The following NRG3 variants were observed in gnomAD, a reference collection of about 807,000 sequenced individuals.
NRG3 encodes pro-neuregulin-3, membrane-bound isoform.
Under a neutral mutation model 66.9 loss-of-function variants are expected in NRG3, and 31 were observed. The ratio of observed to expected loss-of-function variants is 0.46; its 90% CI spans 0.35 to 0.63. The LOEUF (loss-of-function observed/expected upper bound fraction) is 0.63. NRG3 is among the 20% of genes least tolerant of loss of function. The probability of loss-of-function intolerance (pLI) is 0.00; values close to 1 mark genes in which losing one functional copy is unlikely to be tolerated. For missense variants in NRG3, 910 were observed against 878.9 expected, an observed-to-expected ratio of 1.04 and a Z score of -0.45; for synonymous variants, 393 against 359.4, an observed-to-expected ratio of 1.09 and a Z score of -1.06.
intron 1 of NRG3, among the ~76,000 whole-genome samples, chr10:82,004,590 G>T (rs556187851): frequency 2.0e-5 from 3 of 152,186 alleles, no homozygotes; most frequent in Non-Finnish European, 4.4e-5. Flanking sequence ...TCAGCACTGG[G>T]CTTTGGTTTA....
intron 2 of NRG3, among the ~76,000 whole-genome samples, chr10:82,579,565 CATGT>C (rs2046232952): frequency 2.0e-5 from 3 of 151,932 alleles, no homozygotes. Context: ...GGCAAGAACA[CATGT>C]ATGTGTTAAT....
chr10:82,030,356 A>G (rs370159469), intron 1 of NRG3, among the ~76,000 whole-genome samples: 4 of 152,224 alleles, frequency 2.6e-5, no homozygotes, highest in South Asian at 4.1e-4. Flanking sequence ...TGAATGGTGG[A>G]AGTAAGGAGA....
chr10:81,920,118 T>TA (rs59085354), intron 1 of NRG3, among the ~76,000 whole-genome samples: 21,291 of 152,020 alleles, frequency 0.14, 2,697 homozygotes, highest in African/African-American at 0.33. Flanking sequence ...GCCTGAGGTG[T>TA]AAGGATGACA....
intron 2 of NRG3, among the ~76,000 whole-genome samples, chr10:82,634,038 G>C (rs892431860): frequency 6.6e-6 from 1 of 152,164 alleles, no homozygotes; most frequent in African/African-American, 2.4e-5. Context: ...GGCATATAGA[G>C]ATTATGGTTC....
chr10:82,199,491 T>C (rs1383335282), intron 1 of NRG3, among the ~76,000 whole-genome samples: 2 of 152,218 alleles, frequency 1.3e-5, no homozygotes, highest in Non-Finnish European at 2.9e-5. Flanking sequence ...AAAATTTATG[T>C]GAATATATAA....
chr10:82,276,401 A>T (rs2078850342), intron 1 of NRG3, among the ~76,000 whole-genome samples: 1 of 152,018 alleles, frequency 6.6e-6, no homozygotes, highest in African/African-American at 2.4e-5. Context: ...TGATTTGTAA[A>T]AACTGAAGGA....
chr10:82,775,422 AT>A (rs1219648535), intron 3 of NRG3, among the ~76,000 whole-genome samples: 5 of 151,916 alleles, frequency 3.3e-5, no homozygotes, highest in Admixed American at 3.3e-4. Context: ...ATTTACCAAG[AT>A]TCCTTCTGTT....
Position 82,513,008 on chromosome 10 carries a change from T to C in NRG3, c.953+154140T>C, listed in dbSNP as rs997068901. Among the ~76,000 whole-genome samples, 6 of 152,338 alleles carry C rather than the reference T, an allele frequency of 3.9e-5. No individual in the cohort carries two copies. The East Asian group carries it at 1.2e-3, about 29-fold the overall frequency. ...GTGCAGGACGTGCAGGTTTGTTACATAGGTAAATGTGTGCCATGGTGGTTT... is the reference window on the plus strand; with the variant it reads ...GTGCAGGACGTGCAGGTTTGTTACACAGGTAAATGTGTGCCATGGTGGTTT... On this transcript the variant is annotated intron_variant, in intron 2 of 8. Transcript: ENST00000372141.
At chr10:82,819,751 G>A (rs2061864920) in intron 3 of NRG3, among the ~76,000 whole-genome samples, 1 of 152,286 alleles carries the variant, frequency 6.6e-6, no homozygotes, top group South Asian at 2.1e-4. Flanking sequence ...CCATAAGAAG[G>A]AGAAGGTTAT....
At chr10:82,524,942 T>G (rs2132581489) in intron 2 of NRG3, among the ~76,000 whole-genome samples, 1 of 152,014 alleles carries the variant, frequency 6.6e-6, no homozygotes, top group African/African-American at 2.4e-5. Flanking sequence ...TCTCTCCTTC[T>G]ATATTCACAG....
At chr10:82,635,726 G>C (rs1006750237) in intron 2 of NRG3, among the ~76,000 whole-genome samples, 1 of 152,102 alleles carries the variant, frequency 6.6e-6, no homozygotes, top group Non-Finnish European at 1.5e-5. Flanking sequence ...AAACTAGAAT[G>C]TTCTCTTCTC....
intron 2 of NRG3, among the ~76,000 whole-genome samples, chr10:82,703,871 A>G (rs1166507582): frequency 6.6e-6 from 1 of 152,104 alleles, no homozygotes; most frequent in Non-Finnish European, 1.5e-5. Context: ...CTGGTTAATC[A>G]AATCATAATG....
chr10:82,712,903 T>G (rs984504665), intron 2 of NRG3, among the ~76,000 whole-genome samples: 14 of 151,974 alleles, frequency 9.2e-5, no homozygotes, highest in Non-Finnish European at 1.5e-4. Flanking sequence ...ACGGATCAGT[T>G]GAGGTCAGGA....
In NRG3 at chr10:82,785,068, A is replaced by T. The variant is rs561978030; in HGVS notation, c.1027+46418A>T. Among the ~76,000 whole-genome samples the T allele has an allele frequency of 1.5e-4, 23 of 152,228 alleles. No homozygotes were observed. The South Asian group carries it at 4.4e-3, about 29-fold the overall frequency. On this transcript the variant is annotated intron_variant, in intron 3 of 8. Transcript: ENST00000372141. ...TGTCCTTTGTAGAGACATGGATGAA[A>T]TTGGAAATCATCATTCTCGGTAAAC... is the stretch of plus-strand genomic sequence containing the variant.
At chr10:82,632,591 T>A (rs188791258) in intron 2 of NRG3, among the ~76,000 whole-genome samples, 281 of 152,210 alleles carry the variant, frequency 1.8e-3, no homozygotes, top group Non-Finnish European at 2.1e-3. Flanking sequence ...CTCCTGTGTG[T>A]TTTTTTCTGG....
chr10:82,020,819 C>G (rs1261885299), intron 1 of NRG3, among the ~76,000 whole-genome samples: 1 of 152,076 alleles, frequency 6.6e-6, no homozygotes, highest in Admixed American at 6.6e-5. Context: ...ATAAATGTCA[C>G]TTCCAATCCG....
At chr10:82,930,501 G>A (rs1364889605) in intron 4 of NRG3, among the ~76,000 whole-genome samples, 1 of 152,168 alleles carries the variant, frequency 6.6e-6, no homozygotes, top group Non-Finnish European at 1.5e-5. Flanking sequence ...CAGCAATAGG[G>A]TGGATAATAT....
At chr10:82,493,742 C>T (rs879292248) in intron 2 of NRG3, among the ~76,000 whole-genome samples, 24 of 152,112 alleles carry the variant, frequency 1.6e-4, no homozygotes, top group Non-Finnish European at 3.4e-4. Flanking sequence ...CAAAAATTGA[C>T]AAATGGGATC....
chr10:82,666,951 A>G (rs1224907997), intron 2 of NRG3, among the ~76,000 whole-genome samples: 1 of 152,236 alleles, frequency 6.6e-6, no homozygotes, highest in Non-Finnish European at 1.5e-5. Context: ...CACATCGTCT[A>G]GAAACTTTAA....
Sources: allele counts gnomAD v4.1 joint callset (sites outside exome capture counted in the v4.1 genomes callset), GRCh38; gene constraint gnomAD v4.1.1; transcripts MANE v1.5; gene names NCBI Gene and HGNC (gene_info 2026-07-23, HGNC 2026-07-21).